Variants in WWTR1 observed in about 807,000 individuals in gnomAD.
The protein encoded by WWTR1 is WW domain-containing transcription regulator protein 1.
Under a neutral mutation model 40.1 loss-of-function variants are expected in WWTR1, and 13 were observed. The observed-to-expected ratio is 0.32, with a 90% CI of 0.21 to 0.52. The LOEUF is 0.52. Ranked by LOEUF, WWTR1 falls within the 20% of genes least tolerant of loss-of-function variation. WWTR1 has a pLI of 0.97. For missense variants in WWTR1, 436 were observed against 523.1 expected (o/e 0.83, Z 1.63); for synonymous variants, 230 against 210.1 (o/e 1.09, Z -0.82).
chr3:149,589,795 G>GGAAT (rs10538955), intron 2 of WWTR1, among the ~76,000 whole-genome samples: 45 of 151,422 alleles, frequency 3.0e-4, no homozygotes, highest in Admixed American at 2.4e-3. Flanking sequence ...CTGAATTAAA[G>GGAAT]GAATGAATGA....
At chr3:149,704,265 A>T (rs1319691353), upstream of WWTR1, among the ~76,000 whole-genome samples, 7 of 152,248 alleles carry the variant, frequency 4.6e-5, no homozygotes, top group Admixed American at 4.6e-4. Context: ...GAAAATAATG[A>T]CAGCAACAAA....
intron 5 of WWTR1, among the ~76,000 whole-genome samples, chr3:149,714,030 G>A (rs1715537710): frequency 1.3e-5 from 2 of 152,240 alleles, no homozygotes; most frequent in South Asian, 4.1e-4. Context: ...CCACCGCTCT[G>A]GCAGCCGCCG....
At chr3:149,536,070 G>A (rs1735817692) in intron 4 of WWTR1, among the ~76,000 whole-genome samples, 1 of 152,050 alleles carries the variant, frequency 6.6e-6, no homozygotes, top group Non-Finnish European at 1.5e-5. Flanking sequence ...TCAACAACAA[G>A]GGCACACTGG....
At chr3:149,524,979 A>G (rs1480541630) in intron 6 of WWTR1, among the ~76,000 whole-genome samples, 1 of 152,240 alleles carries the variant, frequency 6.6e-6, no homozygotes, top group Non-Finnish European at 1.5e-5. Context: ...TATGACTTTC[A>G]TAATTAAGTC....
At position 149,715,826 on chromosome 3, in the gene WWTR1, C is replaced by T. The variant is rs1333687992; in HGVS notation, n.584+1616G>A. Among the ~76,000 whole-genome samples the T allele has an allele frequency of 1.1e-4, 16 of 152,102 alleles. 1 individual carries two copies. Among genetic ancestry groups the T allele is most frequent in the Admixed American group, 9.2e-4 (14 of 15,262 alleles). ...CTCTTTCTAATACTTATGCTAATCA[C>T]AAAAATAGTAAAAATATGAATAGCA... On this transcript the variant is annotated intron_variant and non_coding_transcript_variant, in intron 5 of 6. Coordinates refer to the WWTR1 transcript ENST00000474080.
chr3:149,590,385 T>C (rs1008455091), intron 2 of WWTR1, among the ~76,000 whole-genome samples: 2 of 152,110 alleles, frequency 1.3e-5, no homozygotes, highest in African/African-American at 4.8e-5. Context: ...TGCGGTGGCT[T>C]ACACCTGTAA....
chr3:149,680,929 TACAA>T (rs1714443488), intron 1 of WWTR1, among the ~76,000 whole-genome samples: 1 of 152,240 alleles, frequency 6.6e-6, no homozygotes, highest in Non-Finnish European at 1.5e-5. Flanking sequence ...GTTACATACT[TACAA>T]ACATTTTGGT....
At chr3:149,697,615 T>C (rs1476421936) in intron 1 of WWTR1, among the ~76,000 whole-genome samples, 1 of 152,144 alleles carries the variant, frequency 6.6e-6, no homozygotes, top group Non-Finnish European at 1.5e-5. Flanking sequence ...ATCCAAACTA[T>C]ACTATTCTGC....
upstream of WWTR1, among the ~76,000 whole-genome samples, chr3:149,703,859 C>A (rs2108226036): frequency 6.6e-6 from 1 of 152,306 alleles, no homozygotes; most frequent in Middle Eastern, 3.4e-3. Context: ...TTCCTGAGTC[C>A]CCATCAGAAG....
At chr3:149,708,903 C>A (rs1715398932) in intron 5 of WWTR1, among the ~76,000 whole-genome samples, 1 of 152,166 alleles carries the variant, frequency 6.6e-6, no homozygotes, top group Non-Finnish European at 1.5e-5. Flanking sequence ...TTTTCCATAG[C>A]TGTAGTACCA....
At chr3:149,542,963 G>A (rs1323673845) in intron 3 of WWTR1, among the ~76,000 whole-genome samples, 1 of 152,118 alleles carries the variant, frequency 6.6e-6, no homozygotes. Context: ...GAGGGCATGT[G>A]ATCTTTGGTA....
chr3:149,543,580 C>CAAGAAAAAAAAAAAAAAAAA (rs1736227246), intron 3 of WWTR1, among the ~76,000 whole-genome samples: 1 of 31,226 alleles, frequency 3.2e-5, no homozygotes, highest in Non-Finnish European at 5.7e-5. Context: ...GACTCTGTCT[C>CAAGAAAAAAAAAAAAAAAAA]AAAAAAAAAA....
At chr3:149,535,758 A>G (rs1255367094) in intron 4 of WWTR1, among the ~76,000 whole-genome samples, 1 of 151,296 alleles carries the variant, frequency 6.6e-6, no homozygotes, top group Non-Finnish European at 1.5e-5. Context: ...CACACCTGTA[A>G]TCCCAGCACT....
At chr3:149,568,556 A>AAAAAAAAC (rs1560064535) in intron 3 of WWTR1, among the ~76,000 whole-genome samples, 1 of 138,562 alleles carries the variant, frequency 7.2e-6, no homozygotes, top group African/African-American at 2.7e-5. Flanking sequence ...AAAAAAAAAA[A>AAAAAAAAC]AAAACCATAT....
intron 2 of WWTR1, among the ~76,000 whole-genome samples, chr3:149,587,078 G>A (rs1738464165): frequency 6.6e-6 from 1 of 152,188 alleles, no homozygotes. Context: ...CAAATCCAAG[G>A]AGGGAGTTAG....
chr3:149,607,612 C>A (rs1414047490), intron 2 of WWTR1, among the ~76,000 whole-genome samples: 2 of 152,188 alleles, frequency 1.3e-5, no homozygotes, highest in African/African-American at 4.8e-5. Context: ...CTGCACCCAG[C>A]CTTGACGTAG....
At chr3:149,653,289 T>A (rs962559680) in intron 2 of WWTR1, among the ~76,000 whole-genome samples, 2 of 152,224 alleles carry the variant, frequency 1.3e-5, no homozygotes, top group African/African-American at 2.4e-5. Flanking sequence ...AAAAATTTAA[T>A]GTGATCAGTA....
intron 6 of WWTR1, among the ~76,000 whole-genome samples, chr3:149,521,703 G>A (rs888786764): frequency 1.3e-5 from 2 of 152,194 alleles, no homozygotes; most frequent in Non-Finnish European, 2.9e-5. Context: ...GTGAGAAAAT[G>A]CTGTACTAGA....
At chr3:149,582,501 G>A (rs994175059) in intron 2 of WWTR1, among the ~76,000 whole-genome samples, 4 of 151,910 alleles carry the variant, frequency 2.6e-5, no homozygotes, top group African/African-American at 9.7e-5. Flanking sequence ...TGAGGCAGGA[G>A]GATTGCTTGA....
Sources: gnomAD v4.1 joint callset for allele counts (sites outside exome capture counted in the v4.1 genomes callset) on GRCh38, gnomAD v4.1.1 for gene constraint, MANE v1.5 for transcripts, NCBI Gene and HGNC (gene_info 2026-07-23, HGNC 2026-07-21) for gene names.